The following APPBP2 variants were observed in gnomAD, a reference collection of about 807,000 sequenced individuals.
The protein encoded by APPBP2 is amyloid protein-binding protein 2.
Under a neutral mutation model 76.0 loss-of-function variants are expected in APPBP2, and 15 were observed. The ratio of observed to expected loss-of-function variants is 0.20; its 90% CI spans 0.13 to 0.30. The LOEUF (loss-of-function observed/expected upper bound fraction) is 0.30, where lower values mean the gene tolerates loss of function less well. Ranked by LOEUF, APPBP2 falls within the 10% of genes least tolerant of loss-of-function variation. The probability of loss-of-function intolerance (pLI) is 1.00; values close to 1 mark genes in which losing one functional copy is unlikely to be tolerated. For synonymous variants in APPBP2, 222 were observed against 242.2 expected, an observed-to-expected ratio of 0.92 and a Z score of 0.77; for missense variants, 401 against 687.2, an observed-to-expected ratio of 0.58 and a Z score of 4.66.
At chr17:60,507,090 A>T (rs2143472345) in intron 1 of APPBP2, among the ~76,000 whole-genome samples, 1 of 152,290 alleles carries the variant, frequency 6.6e-6, no homozygotes, top group Admixed American at 6.5e-5. Context: ...ATTCAGGGGT[A>T]CATTTGCAGG....
intron 12 of APPBP2, 65 bp from the exon 13 acceptor site, chr17:60,447,899 T>C: frequency 7.0e-7 from 1 of 1,424,750 alleles, no homozygotes; most frequent in Non-Finnish European, 9.5e-7. Context: ...GCAATTTCTA[T>C]AACATGAACA....
In APPBP2 at chr17:60,460,680, C is replaced by G; in HGVS notation, c.1044G>C (p.Gly348=). ...YSSYVHQYSS[G]KFDNALFHAE... ...GAACTTACAGTGCATTGTCAAATTT[C>G]CCAGAGCTATACTGGTGGACATAAG... The change falls in exon 9 of 13, where the codon GGG becomes GGC. Residue 348 remains glycine (G), a synonymous_variant. Coordinates refer to ENST00000083182, the MANE Select transcript of APPBP2 (RefSeq NM_006380.5). 3 of 1,612,272 alleles carry G rather than the reference C, an allele frequency of 1.9e-6. No individual in the cohort carries two copies. Among genetic ancestry groups the G allele is most frequent in the Non-Finnish European group, 2.5e-6 (3 of 1,179,164 alleles).
rs1194360406 is a variant in APPBP2, at chr17:60,444,055, G to C, written c.*3526C>G. ...AGGCAGGAGAATCGCTGGAACCCGG[G>C]AGGCGGAGGTTGCAGTGAGCCAAGA... On this transcript the variant is annotated 3_prime_UTR_variant, in exon 13 of 13. Coordinates refer to ENST00000083182, the MANE Select transcript of APPBP2 (RefSeq NM_006380.5). 6.6e-6 allele frequency: 1 copy of C among 151,934 alleles called. No homozygotes were observed. The highest frequency in any genetic ancestry group is 1.9e-4 in the East Asian group (1 of 5,176). The allele number at this position is 151,934 out of a possible 1,614,324, so 9.4% of individuals were successfully genotyped here.
At chr17:60,454,533 C>G in intron 10 of APPBP2, 41 bp from the exon 11 acceptor site, 1 of 1,317,044 alleles carries the variant, frequency 7.6e-7, no homozygotes, top group Non-Finnish European at 1.0e-6. Context: ...TCAAAACCAT[C>G]TACCAAAGCT....
intron 3 of APPBP2, among the ~76,000 whole-genome samples, chr17:60,483,510 G>A (rs1002566650): frequency 1.3e-4 from 19 of 151,964 alleles, no homozygotes; most frequent in African/African-American, 4.4e-4. Flanking sequence ...TCTCCTGCCT[G>A]AGCCTCCCAA....
At chr17:60,491,917 C>T (rs1261705574) in intron 3 of APPBP2, among the ~76,000 whole-genome samples, 1 of 152,198 alleles carries the variant, frequency 6.6e-6, no homozygotes, top group Non-Finnish European at 1.5e-5. Flanking sequence ...GAGAAAATGT[C>T]TCCAGGACAT....
chr17:60,501,664 T>C (rs2090824735), intron 1 of APPBP2, among the ~76,000 whole-genome samples: 1 of 152,196 alleles, frequency 6.6e-6, no homozygotes, highest in Non-Finnish European at 1.5e-5. Context: ...ACACATGCTA[T>C]ATAAATAATA....
chr17:60,479,920 C>T (rs943632952), intron 3 of APPBP2, among the ~76,000 whole-genome samples: 2 of 152,114 alleles, frequency 1.3e-5, no homozygotes, highest in East Asian at 1.9e-4. Flanking sequence ...ACTGCCCCAA[C>T]GTAACAGATG....
intron 1 of APPBP2, among the ~76,000 whole-genome samples, chr17:60,505,460 C>T (rs906017453): frequency 2.6e-5 from 4 of 152,154 alleles, no homozygotes; most frequent in African/African-American, 4.8e-5. Flanking sequence ...GGACTACAGG[C>T]GCCTGCCACC....
At chr17:60,515,437 A>T (rs2090954755) in intron 1 of APPBP2, among the ~76,000 whole-genome samples, 1 of 152,080 alleles carries the variant, frequency 6.6e-6, no homozygotes, top group African/African-American at 2.4e-5. Context: ...TTTTAAATCA[A>T]AGTATAACAT....
intron 1 of APPBP2, among the ~76,000 whole-genome samples, chr17:60,521,247 T>C (rs750396922): frequency 7.9e-5 from 12 of 152,198 alleles, no homozygotes; most frequent in Non-Finnish European, 1.6e-4. Context: ...GGTGGCCCCA[T>C]AAGATTATAA....
chr17:60,513,248 T>C, intron 1 of APPBP2: 1 of 427,904 alleles, frequency 2.3e-6, no homozygotes, highest in South Asian at 3.2e-5. Flanking sequence ...TCAGATATTG[T>C]ATATAAGAAA....
chr17:60,500,583 A>G, intron 1 of APPBP2, 96 bp from the exon 2 acceptor site: 1 of 866,010 alleles, frequency 1.2e-6, no homozygotes, highest in Non-Finnish European at 1.8e-6. Context: ...AATTTCAGGA[A>G]AGATGCTTAT....
In APPBP2 at chr17:60,443,829, T is replaced by C. The variant is rs1451653780; in HGVS notation, c.*3752A>G. 2.6e-5 allele frequency: 4 copies of C among 152,622 alleles called. No individual in the cohort carries two copies. Among genetic ancestry groups the C allele is most frequent in the Non-Finnish European group, 4.4e-5 (3 of 68,050 alleles). 9.5% of individuals were successfully genotyped at this position (152,622 alleles called of 1,614,324 possible). A position where few individuals can be genotyped will look rare whatever the true frequency, so the allele number is the denominator to read the frequency against. ...CTAGGATTGCAATTAAAGAATAGTA[T>C]TATGCAATAAATCCTAAAGCACACT... On this transcript the variant is annotated 3_prime_UTR_variant, in exon 13 of 13. Coordinates refer to ENST00000083182, the MANE Select transcript of APPBP2 (RefSeq NM_006380.5).
chr17:60,454,503 A>C lies in APPBP2; in HGVS notation c.1148-11T>G, dbSNP rs780044053. 3.2e-6 allele frequency: 5 copies of C among 1,571,628 alleles called. No homozygotes were observed. The African/African-American group carries it at 5.5e-5, about 17-fold the overall frequency. On this transcript the variant is annotated splice_polypyrimidine_tract_variant and intron_variant, in intron 10 of 12. Coordinates refer to ENST00000083182, the MANE Select transcript of APPBP2 (RefSeq NM_006380.5). ...CCTCTAAAATAAGTGCTAAAAAAGA[A>C]GGCAATAAATTAGTGTACTTCAAAA...
At chr17:60,457,051 C>T (rs529362067) in intron 9 of APPBP2, among the ~76,000 whole-genome samples, 4 of 151,546 alleles carry the variant, frequency 2.6e-5, no homozygotes, top group African/African-American at 9.7e-5. Context: ...GGCAGAATCG[C>T]TTGAACCTGG....
chr17:60,526,233 C>T lies in APPBP2; in HGVS notation c.-302G>A, dbSNP rs1032908492. ...AGCGCTGATCTCTGCAGGGGCGGGG[C>T]TGCGTGTGCGGCGTCATGACGTAAG... On this transcript the variant is annotated 5_prime_UTR_variant, in exon 1 of 13. Transcript: ENST00000083182. 3.2e-6 allele frequency: 1 copy of T among 308,484 alleles called. No homozygotes were observed. Among genetic ancestry groups the T allele is most frequent in the African/African-American group, 2.2e-5 (1 of 46,380 alleles). The allele number at this position is 308,484 out of a possible 1,614,324, so 19.1% of individuals were successfully genotyped here. A position where few individuals can be genotyped will look rare whatever the true frequency, so the allele number is the denominator to read the frequency against.
chr17:60,516,186 C>G (rs543517027), intron 1 of APPBP2, among the ~76,000 whole-genome samples: 1 of 151,056 alleles, frequency 6.6e-6, no homozygotes, highest in Admixed American at 6.6e-5. Flanking sequence ...AAAAAAAAAA[C>G]AAACAAAAAA....
At chr17:60,466,506 G>A (rs747295041) in intron 4 of APPBP2, 47 bp from the exon 5 acceptor site, 1 of 1,564,434 alleles carries the variant, frequency 6.4e-7, no homozygotes, top group Non-Finnish European at 8.7e-7. Context: ...TTTTCAGCTT[G>A]GTAGACCTGA....
Sources: allele counts gnomAD v4.1 joint callset (sites outside exome capture counted in the v4.1 genomes callset), GRCh38; gene constraint gnomAD v4.1.1; transcripts MANE v1.5; gene names NCBI Gene and HGNC (gene_info 2026-07-23, HGNC 2026-07-21).